SYNRG: variants seen among roughly 807,000 people sequenced by gnomAD.
SYNRG encodes synergin gamma.
SYNRG carries 37 observed loss-of-function variants against 130.9 expected under a neutral mutation model. The observed-to-expected ratio is 0.28, with a 90% confidence interval of 0.22 to 0.37. The LOEUF (loss-of-function observed/expected upper bound fraction) is 0.37. Ranked by LOEUF, SYNRG falls within the 10% of genes least tolerant of loss-of-function variation. The pLI, the probability that SYNRG is intolerant of heterozygous loss-of-function variation, is 1.00. For synonymous variants in SYNRG, 539 were observed against 568.1 expected (o/e 0.95, Z 0.73); for missense variants, 1,338 against 1,588.9 (o/e 0.84, Z 2.68).
At chr17:37,528,492 A>G (rs898723496) in intron 19 of SYNRG, among the ~76,000 whole-genome samples, 2 of 152,218 alleles carry the variant, frequency 1.3e-5, no homozygotes, top group Admixed American at 1.3e-4. Context: ...TAGTAGTAGT[A>G]TGGAATCAAA....
intron 19 of SYNRG, among the ~76,000 whole-genome samples, chr17:37,525,090 C>A (rs1404232510): frequency 2.6e-5 from 4 of 152,146 alleles, no homozygotes; most frequent in Non-Finnish European, 5.9e-5. Flanking sequence ...ACAAAATTAA[C>A]CTTCTTAAGT....
chr17:37,552,549 T>G (rs919831893), intron 14 of SYNRG, among the ~76,000 whole-genome samples: 2 of 152,128 alleles, frequency 1.3e-5, no homozygotes, highest in African/African-American at 4.8e-5. Flanking sequence ...CCCTCCTCTT[T>G]GCCAGGCCCT....
chr17:37,568,938 G>A lies in SYNRG; in HGVS notation c.1348-14C>T. ...TGGCTTTACTACCTAGGTTTATAAA[G>A]GTCATTTAAATAAATAGCACTGACT... On this transcript the variant is annotated splice_polypyrimidine_tract_variant and intron_variant, in intron 10 of 21. Coordinates refer to ENST00000612223, the MANE Select transcript of SYNRG (RefSeq NM_007247.6). 6.2e-7 allele frequency: 1 copy of A among 1,603,228 alleles called. No individual in the cohort carries two copies.
At chr17:37,576,214 G>A in intron 8 of SYNRG, 127 bp downstream of exon 8, 1 of 855,280 alleles carries the variant, frequency 1.2e-6, no homozygotes, top group Admixed American at 2.8e-5. Context: ...TACTCTTTCA[G>A]AAAAAAAGAA....
intron 6 of SYNRG, 177 bp downstream of exon 6, chr17:37,584,471 T>C: frequency 2.1e-6 from 1 of 487,070 alleles, no homozygotes; most frequent in Non-Finnish European, 3.8e-6. Context: ...AGACAGTTGT[T>C]ATCCAGACCA....
chr17:37,579,101 G>C (rs537766084), intron 6 of SYNRG: 1 of 1,119,634 alleles, frequency 8.9e-7, no homozygotes, highest in African/African-American at 1.7e-5. Flanking sequence ...GATATCTTAA[G>C]AATATTTTCA....
intron 19 of SYNRG, 95 bp downstream of exon 19, chr17:37,535,884 G>A (rs2057140012): frequency 2.3e-5 from 36 of 1,533,806 alleles, no homozygotes; most frequent in Non-Finnish European, 3.1e-5. Context: ...GGCACCTCCA[G>A]CCTCTAATAA....
In SYNRG at chr17:37,520,765, C is replaced by A. The variant is rs149792832; in HGVS notation, c.3667-117G>T. 71 of 763,306 alleles carry A rather than the reference C, an allele frequency of 9.3e-5. 1 individual carries two copies. In the South Asian group the frequency reaches 1.1e-3, roughly 12 times the overall value. 47.3% of individuals were successfully genotyped at this position (763,306 alleles called of 1,614,324 possible). ...CGGCAAGTACAGTACTCTAACACCA[C>A]CACTACAAGAATTAACCTCCCACAC... On this transcript the variant is annotated intron_variant, in intron 19 of 21. Coordinates refer to ENST00000612223, the MANE Select transcript of SYNRG (RefSeq NM_007247.6).
chr17:37,608,304 A>G (rs2063996735), intron 1 of SYNRG, among the ~76,000 whole-genome samples: 1 of 152,230 alleles, frequency 6.6e-6, no homozygotes, highest in Non-Finnish European at 1.5e-5. Context: ...ATATAAAAAA[A>G]AAACCTAACA....
chr17:37,545,481 T>C (rs2058202797), intron 14 of SYNRG, among the ~76,000 whole-genome samples: 1 of 152,172 alleles, frequency 6.6e-6, no homozygotes, highest in Non-Finnish European at 1.5e-5. Flanking sequence ...AAGATATTAC[T>C]ATGGTAATAA....
chr17:37,568,693 G>A, intron 11 of SYNRG, 98 bp downstream of exon 11: 2 of 1,309,024 alleles, frequency 1.5e-6, no homozygotes, highest in Non-Finnish European at 2.1e-6. Flanking sequence ...AGAGTAAGGA[G>A]TCTTAATTTT....
intron 1 of SYNRG, 146 bp downstream of exon 1, chr17:37,609,133 G>A (rs1222146088): frequency 2.2e-5 from 22 of 983,200 alleles, no homozygotes; most frequent in Non-Finnish European, 3.0e-5. Context: ...CGCCCCTTTC[G>A]GCCTGGGTCC....
chr17:37,529,037 A>C (rs780516663), intron 19 of SYNRG, among the ~76,000 whole-genome samples: 25 of 152,204 alleles, frequency 1.6e-4, no homozygotes, highest in Non-Finnish European at 7.3e-5. Context: ...TGGAAGATTA[A>C]TTCATCTCTA....
Position 37,516,829 on chromosome 17 carries a change from A to G in SYNRG, c.*2111T>C, listed in dbSNP as rs953557383. On this transcript the variant is annotated 3_prime_UTR_variant, in exon 22 of 22. Coordinates refer to ENST00000612223, the MANE Select transcript of SYNRG (RefSeq NM_007247.6). Reference sequence around the variant, plus strand: ...ACCTACCCGGCTAATTATTTTTTGTATAATTAGCTGGGGTCTTTACCATCA... The same window carrying G: ...ACCTACCCGGCTAATTATTTTTTGTGTAATTAGCTGGGGTCTTTACCATCA... 1 of 151,732 alleles carries G rather than the reference A, an allele frequency of 6.6e-6. No individual in the cohort carries two copies. The highest frequency in any genetic ancestry group is 2.4e-5 in the African/African-American group (1 of 41,090). 9.4% of individuals were successfully genotyped at this position (151,732 alleles called of 1,614,324 possible).
intron 3 of SYNRG, among the ~76,000 whole-genome samples, chr17:37,591,246 T>C (rs1348242987): frequency 6.6e-6 from 1 of 152,216 alleles, no homozygotes; most frequent in Non-Finnish European, 1.5e-5. Context: ...TCAAAATATT[T>C]AGATGTAAAT....
Position 37,552,999 on chromosome 17 carries a change from T to C in SYNRG, c.2608+116A>G, listed in dbSNP as rs533032962. The C allele has an allele frequency of 1.1e-4, 97 of 899,208 alleles. No individual in the cohort carries two copies. In the African/African-American group the frequency reaches 1.5e-3, roughly 14 times the overall value. 55.7% of individuals were successfully genotyped at this position (899,208 alleles called of 1,614,324 possible). ...AGGAGACTGGCAATAAAGAGGTTGA[T>C]TATTAGAGATTCATAAAGCTAAAGG... On this transcript the variant is annotated intron_variant, in intron 14 of 21. Transcript: ENST00000612223.
chr17:37,526,818 A>G (rs1363390278), intron 19 of SYNRG, among the ~76,000 whole-genome samples: 3 of 152,206 alleles, frequency 2.0e-5, no homozygotes, highest in Non-Finnish European at 4.4e-5. Flanking sequence ...TGGATAATCC[A>G]GGATACCTTC....
rs1063215 is a variant in SYNRG, at chr17:37,514,833, A to G, written c.*4107T>C. 0.73 allele frequency: 110,812 copies of G among 152,122 alleles called. 41,085 individuals carry two copies. The highest frequency in any genetic ancestry group is 0.97 in the East Asian group (5,019 of 5,186). The allele number at this position is 152,122 out of a possible 1,614,324, so 9.4% of individuals were successfully genotyped here. ...TCTTCTACACTTGTATTTTGGTTAG[A>G]GAAGTTTAACAAGGGGTGATTTCAG... is the stretch of plus-strand genomic sequence containing the variant. On this transcript the variant is annotated 3_prime_UTR_variant, in exon 22 of 22. Coordinates refer to ENST00000612223, the MANE Select transcript of SYNRG (RefSeq NM_007247.6).
intron 15 of SYNRG, chr17:37,541,191 A>G (rs1391674296): frequency 1.0e-6 from 1 of 985,184 alleles, no homozygotes; most frequent in Non-Finnish European, 1.2e-6. Context: ...TTTTCCAGTC[A>G]TTTGTTATGG....
Sources: gnomAD v4.1 joint callset for allele counts (sites outside exome capture counted in the v4.1 genomes callset) on GRCh38, gnomAD v4.1.1 for gene constraint, MANE v1.5 for transcripts, NCBI Gene and HGNC (gene_info 2026-07-23, HGNC 2026-07-21) for gene names.